The following GALNTL6 variants were observed in gnomAD, a reference collection of about 807,000 sequenced individuals.
GALNTL6 encodes polypeptide N-acetylgalactosaminyltransferase like 6.
Under a neutral mutation model 73.7 loss-of-function variants are expected in GALNTL6, and 46 were observed. That is an observed-to-expected ratio of 0.62 (90% confidence interval 0.49 to 0.80). GALNTL6 has a LOEUF of 0.80. Among genes scored for constraint, GALNTL6 ranks in the 30% least tolerant of loss-of-function variants. GALNTL6 has a pLI of 0.00. For synonymous variants in GALNTL6, 259 were observed against 263.7 expected, an observed-to-expected ratio of 0.98 and a Z score of 0.17; for missense variants, 604 against 755.0, an observed-to-expected ratio of 0.80 and a Z score of 2.34.
Position 171,874,559 on chromosome 4 carries a change from G to A in GALNTL6, c.138+59841G>A, listed in dbSNP as rs1054543677. Among the ~76,000 whole-genome samples, 8 of 152,068 alleles carry A rather than the reference G, an allele frequency of 5.3e-5. No individual in the cohort carries two copies. In the South Asian group the frequency reaches 1.2e-3, roughly 24 times the overall value. On this transcript the variant is annotated intron_variant, in intron 2 of 12. Coordinates refer to ENST00000506823, the MANE Select transcript of GALNTL6 (RefSeq NM_001034845.3). ...GAAAAATTTTCATTGGCCAGAATTG[G>A]GCTATGTATTTATTCCTGATCATCA...
chr4:172,699,452 G>A (rs1733897357), intron 5 of GALNTL6, among the ~76,000 whole-genome samples: 1 of 152,176 alleles, frequency 6.6e-6, no homozygotes, highest in Admixed American at 6.5e-5. Flanking sequence ...GACTTTCACA[G>A]CTGTGTGGTC....
At chr4:172,300,286 C>T (rs964016332) in intron 3 of GALNTL6, among the ~76,000 whole-genome samples, 3 of 152,086 alleles carry the variant, frequency 2.0e-5, no homozygotes, top group Non-Finnish European at 4.4e-5. Context: ...GATGGGTTTC[C>T]TGAATACAGC....
rs76307467 is a variant in GALNTL6 at position 173,027,549 on chromosome 4, C to T, written c.1638+5924C>T. On this transcript the variant is annotated intron_variant, in intron 12 of 12. Transcript: ENST00000506823. ...ACAGAAAGTAAGCTAATAAAATAAA[C>T]TAAATTAATCTAATAGGAAGTATAG... is the stretch of plus-strand genomic sequence containing the variant. 3.9e-5 allele frequency among the ~76,000 whole-genome samples: 6 copies of T among 152,258 alleles called. No homozygotes were observed. In the East Asian group the frequency reaches 1.2e-3, roughly 29 times the overall value.
intron 2 of GALNTL6, among the ~76,000 whole-genome samples, chr4:171,912,793 T>G (rs1254675451): frequency 2.0e-5 from 3 of 152,136 alleles, no homozygotes; most frequent in Admixed American, 1.3e-4. Flanking sequence ...AGTGAAAACA[T>G]GCGGTATTTG....
At chr4:172,694,616 A>G (rs764093140) in intron 5 of GALNTL6, among the ~76,000 whole-genome samples, 2 of 152,172 alleles carry the variant, frequency 1.3e-5, no homozygotes, top group Admixed American at 6.5e-5. Context: ...TCAGTGATCT[A>G]TGGGGGCTGG....
chr4:171,867,058 A>C (rs1489687273), intron 2 of GALNTL6, among the ~76,000 whole-genome samples: 1 of 152,136 alleles, frequency 6.6e-6, no homozygotes, highest in African/African-American at 2.4e-5. Flanking sequence ...AAATACTTTT[A>C]TAATATATAA....
At chr4:172,011,582 T>C (rs1350111573) in intron 2 of GALNTL6, among the ~76,000 whole-genome samples, 1 of 152,086 alleles carries the variant, frequency 6.6e-6, no homozygotes, top group Admixed American at 6.6e-5. Flanking sequence ...GGCACTTTTA[T>C]TTTTCAACTC....
At chr4:172,689,802 A>G (rs1375522077) in intron 5 of GALNTL6, among the ~76,000 whole-genome samples, 1 of 152,196 alleles carries the variant, frequency 6.6e-6, no homozygotes, top group Admixed American at 6.5e-5. Context: ...GAGCATATGT[A>G]CCTTCAAGTT....
chr4:172,548,364 G>A (rs1735847082), intron 5 of GALNTL6, among the ~76,000 whole-genome samples: 1 of 152,284 alleles, frequency 6.6e-6, no homozygotes, highest in African/African-American at 2.4e-5. Context: ...ACAAAATGAG[G>A]CTATTAGGGG....
At chr4:171,950,845 T>C (rs1738856561) in intron 2 of GALNTL6, among the ~76,000 whole-genome samples, 1 of 152,096 alleles carries the variant, frequency 6.6e-6, no homozygotes, top group Non-Finnish European at 1.5e-5. Flanking sequence ...ATTACCTATG[T>C]TATTATTTCT....
intron 12 of GALNTL6, among the ~76,000 whole-genome samples, chr4:173,030,900 G>T (rs557517720): frequency 4.0e-5 from 6 of 151,784 alleles, no homozygotes; most frequent in African/African-American, 1.5e-4. Flanking sequence ...TATTTGGGAG[G>T]CTGAGGCAGG....
chr4:171,954,403 T>A (rs546047638), intron 2 of GALNTL6, among the ~76,000 whole-genome samples: 3 of 152,198 alleles, frequency 2.0e-5, no homozygotes, highest in Non-Finnish European at 4.4e-5. Context: ...TGTATAGTTA[T>A]ACAATGAACA....
At chr4:172,544,277 G>C (rs1316973547) in intron 5 of GALNTL6, among the ~76,000 whole-genome samples, 1 of 152,118 alleles carries the variant, frequency 6.6e-6, no homozygotes, top group African/African-American at 2.4e-5. Flanking sequence ...CTGGTCTCAG[G>C]AAACACAATA....
chr4:173,017,912 T>C (rs1752846382), intron 11 of GALNTL6, among the ~76,000 whole-genome samples: 1 of 152,214 alleles, frequency 6.6e-6, no homozygotes, highest in Admixed American at 6.5e-5. Flanking sequence ...GTAAAATGTA[T>C]GAAAAGGCCA....
At chr4:172,485,620 C>A (rs1434872313) in intron 5 of GALNTL6, among the ~76,000 whole-genome samples, 3 of 152,046 alleles carry the variant, frequency 2.0e-5, no homozygotes, top group Non-Finnish European at 2.9e-5. Context: ...TATGTGCCTG[C>A]TGTGTCTGTG....
At chr4:172,490,399 T>G (rs1415264930) in intron 5 of GALNTL6, among the ~76,000 whole-genome samples, 1 of 152,128 alleles carries the variant, frequency 6.6e-6, no homozygotes, top group East Asian at 1.9e-4. Flanking sequence ...ATAAAATAAT[T>G]TCTAATATGT....
intron 2 of GALNTL6, among the ~76,000 whole-genome samples, chr4:172,079,611 T>C (rs1182945184): frequency 1.3e-5 from 2 of 152,128 alleles, no homozygotes; most frequent in African/African-American, 4.8e-5. Flanking sequence ...TTTGCCACTG[T>C]AATAAGTTAA....
At chr4:171,839,151 A>G (rs138843276) in intron 2 of GALNTL6, among the ~76,000 whole-genome samples, 33 of 152,270 alleles carry the variant, frequency 2.2e-4, no homozygotes, top group Middle Eastern at 3.4e-3. Context: ...CAGGTAAAAA[A>G]GGCACAGGCT....
At chr4:172,910,326 G>T (rs1301742425) in intron 8 of GALNTL6, among the ~76,000 whole-genome samples, 1 of 149,978 alleles carries the variant, frequency 6.7e-6, no homozygotes, top group Non-Finnish European at 1.5e-5. Context: ...AAACAAACAT[G>T]ATCATTTAAA....
Sources: gnomAD v4.1 joint callset for allele counts (sites outside exome capture counted in the v4.1 genomes callset) on GRCh38, gnomAD v4.1.1 for gene constraint, MANE v1.5 for transcripts, NCBI Gene and HGNC (gene_info 2026-07-23, HGNC 2026-07-21) for gene names.